The following TBXAS1 variants were observed in gnomAD, a reference collection of about 807,000 sequenced individuals.
TBXAS1 encodes the protein thromboxane-A synthase.
TBXAS1 carries 48 observed loss-of-function variants against 60.7 expected under a neutral mutation model. The observed-to-expected ratio is 0.79, with a 90% CI of 0.63 to 1.01. The LOEUF is 1.01. TBXAS1 is among the 50% of genes least tolerant of loss of function. The probability of loss-of-function intolerance (pLI) is 0.00; values close to 1 mark genes in which losing one functional copy is unlikely to be tolerated. For missense variants in TBXAS1, 685 were observed against 686.3 expected (o/e 1.00, Z 0.02); for synonymous variants, 287 against 269.7 (o/e 1.06, Z -0.63).
chr7:139,803,182 T>A (rs1381160328), intron 4 of TBXAS1, among the ~76,000 whole-genome samples: 1 of 152,196 alleles, frequency 6.6e-6, no homozygotes. Flanking sequence ...TAGAGACTTG[T>A]TGAATGGCTT....
intron 9 of TBXAS1, among the ~76,000 whole-genome samples, chr7:139,984,109 C>T (rs922146289): frequency 9.9e-5 from 15 of 152,216 alleles, no homozygotes; most frequent in Non-Finnish European, 5.9e-5. Flanking sequence ...CTTAAAGCTG[C>T]TGGACCCCTT....
intron 4 of TBXAS1, among the ~76,000 whole-genome samples, chr7:139,804,200 G>T (rs1042240093): frequency 3.3e-5 from 5 of 152,220 alleles, no homozygotes; most frequent in Non-Finnish European, 7.3e-5. Context: ...GCATGCCCTG[G>T]ATGTGAGACA....
chr7:139,897,582 C>T (rs116966627), intron 3 of TBXAS1, among the ~76,000 whole-genome samples: 68 of 152,220 alleles, frequency 4.5e-4, no homozygotes, highest in Middle Eastern at 3.4e-3. Context: ...ACAGAAACCT[C>T]TGAGTGGGAG....
intron 9 of TBXAS1, among the ~76,000 whole-genome samples, chr7:139,987,397 A>C: frequency 6.6e-6 from 1 of 152,196 alleles, no homozygotes; most frequent in Non-Finnish European, 1.5e-5. Context: ...CTGAGAGGCC[A>C]GAATGGGTCA....
chr7:139,939,196 C>A (rs375358045), intron 5 of TBXAS1, among the ~76,000 whole-genome samples: 2 of 152,068 alleles, frequency 1.3e-5, no homozygotes, highest in South Asian at 2.1e-4. Context: ...GAAACCCTGT[C>A]TCTACTAAGA....
intron 9 of TBXAS1, among the ~76,000 whole-genome samples, chr7:139,986,693 T>C (rs1175081755): frequency 1.4e-5 from 2 of 148,098 alleles, no homozygotes; most frequent in Non-Finnish European, 3.0e-5. Flanking sequence ...CATTAACTCA[T>C]TCCTTTTTAT....
intron 1 of TBXAS1, among the ~76,000 whole-genome samples, chr7:139,834,158 C>A (rs1246936202): frequency 6.6e-6 from 1 of 152,214 alleles, no homozygotes. Context: ...CCAAAAGGAA[C>A]TTTCAAAACC....
At chr7:139,954,706 T>C (rs775993788) in intron 6 of TBXAS1, among the ~76,000 whole-genome samples, 1 of 152,202 alleles carries the variant, frequency 6.6e-6, no homozygotes. Context: ...AAAGAATCAT[T>C]TGAGTTTAAA....
rs114885020 is a variant in TBXAS1 at position 140,017,260 on chromosome 7, A to G, written c.1365-411A>G. Among the ~76,000 whole-genome samples, 1,029 of 152,282 alleles carry G rather than the reference A, an allele frequency of 6.8e-3. 13 individuals carry two copies. The highest frequency in any genetic ancestry group is 0.024 in the African/African-American group (989 of 41,558). On this transcript the variant is annotated intron_variant, in intron 11 of 12. Transcript: ENST00000448866. ...TGCTGAGGTGCCCGGTACCCTGCCA[A>G]GGAAGCAGGTGGCGGCTGGGTCATC... is the stretch of plus-strand genomic sequence containing the variant.
At chr7:139,971,504 C>T (rs574718000) in intron 9 of TBXAS1, among the ~76,000 whole-genome samples, 12 of 152,280 alleles carry the variant, frequency 7.9e-5, no homozygotes, top group African/African-American at 2.2e-4. Flanking sequence ...CTTAGAGATC[C>T]GGCCATCTGC....
intron 1 of TBXAS1, among the ~76,000 whole-genome samples, chr7:139,779,392 C>G (rs1403137843): frequency 1.3e-5 from 2 of 152,174 alleles, no homozygotes; most frequent in Non-Finnish European, 2.9e-5. Context: ...CACTTCCTAT[C>G]CCTTCTCTTA....
At chr7:139,983,009 A>G (rs1384821950) in intron 9 of TBXAS1, among the ~76,000 whole-genome samples, 2 of 152,054 alleles carry the variant, frequency 1.3e-5, no homozygotes, top group Admixed American at 1.3e-4. Context: ...TGGGATCCAC[A>G]TTTACTTGTT....
chr7:139,892,501 G>A (rs1162132794), intron 3 of TBXAS1, among the ~76,000 whole-genome samples: 1 of 152,046 alleles, frequency 6.6e-6, no homozygotes, highest in African/African-American at 2.4e-5. Context: ...GCTGAGGCAG[G>A]AGAATAGCTT....
intron 1 of TBXAS1, among the ~76,000 whole-genome samples, chr7:139,848,588 T>A (rs1407206982): frequency 6.6e-6 from 1 of 152,206 alleles, no homozygotes; most frequent in Non-Finnish European, 1.5e-5. Flanking sequence ...CTGCTCCACA[T>A]GTTTGTAATG....
At chr7:139,878,122 AGAGAGAGAAG>A (rs1213660039) in intron 3 of TBXAS1, among the ~76,000 whole-genome samples, 1 of 151,460 alleles carries the variant, frequency 6.6e-6, no homozygotes, top group South Asian at 2.1e-4. Context: ...AGAGAGAGAG[AGAGAGAGAAG>A]GAGAGAGAGA....
chr7:139,780,670 A>G (rs1175148240), intron 1 of TBXAS1: 1 of 154,274 alleles, frequency 6.5e-6, no homozygotes, highest in Non-Finnish European at 1.5e-5. Context: ...TAGGGGTTCA[A>G]TAAAAGTTAT....
intron 1 of TBXAS1, among the ~76,000 whole-genome samples, chr7:139,836,131 G>A (rs1799046776): frequency 6.6e-6 from 1 of 151,880 alleles, no homozygotes; most frequent in South Asian, 2.1e-4. Context: ...AGCCTCTACA[G>A]GGAAAACTAC....
At chr7:139,919,634 A>T (rs1250253692) in intron 4 of TBXAS1, among the ~76,000 whole-genome samples, 2 of 152,182 alleles carry the variant, frequency 1.3e-5, no homozygotes, top group African/African-American at 4.8e-5. Context: ...TTACAGCAGA[A>T]ATGCATTCCA....
chr7:139,873,718 G>T (rs1185195325), intron 2 of TBXAS1, among the ~76,000 whole-genome samples: 1 of 152,170 alleles, frequency 6.6e-6, no homozygotes, highest in East Asian at 1.9e-4. Flanking sequence ...ACAGACATTT[G>T]TAGATATAGG....
Sources: allele counts gnomAD v4.1 joint callset (sites outside exome capture counted in the v4.1 genomes callset), GRCh38; gene constraint gnomAD v4.1.1; transcripts MANE v1.5; gene names NCBI Gene and HGNC (gene_info 2026-07-23, HGNC 2026-07-21).